The following LRRK2 variants were observed in gnomAD, a reference collection of about 807,000 sequenced individuals.
The protein encoded by LRRK2 is leucine-rich repeat serine/threonine-protein kinase 2.
In LRRK2, 203 loss-of-function variants were observed where a neutral mutation model predicts 302.6. The ratio of observed to expected loss-of-function variants is 0.67; its 90% confidence interval spans 0.60 to 0.75. LRRK2 has a LOEUF of 0.75. LRRK2 is among the 30% of genes least tolerant of loss of function. The probability of loss-of-function intolerance (pLI) is 0.00; values close to 1 mark genes in which losing one functional copy is unlikely to be tolerated. For synonymous variants in LRRK2, 1,066 were observed against 1,031.9 expected, an observed-to-expected ratio of 1.03 and a Z score of -0.63; for missense variants, 2,830 against 2,951.0, an observed-to-expected ratio of 0.96 and a Z score of 0.95.
chr12:40,294,132 C>CATCTATCTATCT (rs72446556), intron 21 of LRRK2, among the ~76,000 whole-genome samples: 48 of 149,212 alleles, frequency 3.2e-4, no homozygotes, highest in East Asian at 7.9e-4. Context: ...ATCTATCTAT[C>CATCTATCTATCT]ATCTATCTAT....
chr12:40,341,607 G>C (rs533595867), intron 41 of LRRK2, among the ~76,000 whole-genome samples: 2 of 152,184 alleles, frequency 1.3e-5, no homozygotes, highest in East Asian at 1.9e-4. Flanking sequence ...CCAGTGCCAC[G>C]TATATTAGAG....
At chr12:40,268,599 A>T (rs1006055486) in intron 14 of LRRK2, among the ~76,000 whole-genome samples, 1 of 152,180 alleles carries the variant, frequency 6.6e-6, no homozygotes, top group Non-Finnish European at 1.5e-5. Context: ...TTTATGAACC[A>T]TTAGTAAAAA....
Position 40,232,154 on chromosome 12 carries a change from C to A in LRRK2, c.238-120C>A, listed in dbSNP as rs1592135439. On this transcript the variant is annotated intron_variant, in intron 2 of 50. Transcript: ENST00000298910. Reference sequence around the variant, plus strand: ...TTTAGGGTATCATTTTGTTGTATAACCATTGTTTACAAGTGAGATAAGCAT... The same window carrying A: ...TTTAGGGTATCATTTTGTTGTATAAACATTGTTTACAAGTGAGATAAGCAT... The A allele has an allele frequency of 9.1e-6, 7 of 770,432 alleles. No homozygotes were observed. The Admixed American group carries it at 1.2e-4, about 13-fold the overall frequency. The allele number at this position is 770,432 out of a possible 1,614,324, so 47.7% of individuals were successfully genotyped here. A position where few individuals can be genotyped will look rare whatever the true frequency, so the allele number is the denominator to read the frequency against.
intron 28 of LRRK2, among the ~76,000 whole-genome samples, 184 bp downstream of exon 28, chr12:40,306,150 T>C (rs1187100428): frequency 6.6e-6 from 1 of 152,188 alleles, no homozygotes; most frequent in African/African-American, 2.4e-5. Flanking sequence ...ACTGTAGAGA[T>C]TTCTCATTCT....
chr12:40,328,007 A>G (rs1945601815), intron 38 of LRRK2, among the ~76,000 whole-genome samples: 1 of 152,220 alleles, frequency 6.6e-6, no homozygotes, highest in Admixed American at 6.5e-5. Context: ...AGGGCATACC[A>G]GTGAAATCAC....
At chr12:40,274,442 A>G in intron 14 of LRRK2, 141 bp from the exon 15 acceptor site, 1 of 804,170 alleles carries the variant, frequency 1.2e-6, no homozygotes, top group East Asian at 2.7e-5. Context: ...AATAAAAGTA[A>G]TTAATGTTAT....
chr12:40,355,380 A>G (rs993157812), intron 45 of LRRK2, among the ~76,000 whole-genome samples: 1 of 152,030 alleles, frequency 6.6e-6, no homozygotes, highest in Non-Finnish European at 1.5e-5. Context: ...GTACTGGAGC[A>G]CCTTGTTGGA....
chr12:40,287,268 A>G (rs1289292996), intron 19 of LRRK2, 83 bp from the exon 20 acceptor site: 2 of 1,186,160 alleles, frequency 1.7e-6, no homozygotes, highest in African/African-American at 1.5e-5. Flanking sequence ...AAGCATAGCA[A>G]TACGTAAGAA....
At chr12:40,251,209 T>G in intron 8 of LRRK2, 23 bp from the exon 9 acceptor site, 1 of 1,425,982 alleles carries the variant, frequency 7.0e-7, no homozygotes, top group Non-Finnish European at 9.6e-7. Context: ...AATGTTTTTA[T>G]ATATTTTTCA....
Position 40,295,592 on chromosome 12 carries a change from A to G in LRRK2, c.3044A>G (p.Lys1015Arg), listed in dbSNP as rs549351523. The stretch of plus-strand genomic sequence containing the variant: ...AGTGTTCATTTGGAGCATCTTGAAA[A>G]GCTGGAGCTTCACCAGAATGCACTC... ...CISVHLEHLE[K>R]LELHQNALTS... The change falls in exon 23 of 51, where the codon AAG becomes AGG. Residue 1015 changes from lysine to arginine, a missense_variant. This residue lies in a region of LRRK2 where 2,121 missense variants were observed against 2,148.0 expected (regional missense o/e 0.99). Transcript: ENST00000298910. 44 of 1,614,076 alleles carry G rather than the reference A, an allele frequency of 2.7e-5. No homozygotes were observed. The highest frequency in any genetic ancestry group is 4.4e-5 in the South Asian group (4 of 91,076).
intron 13 of LRRK2, 30 bp from the exon 14 acceptor site, chr12:40,263,759 C>T: frequency 1.4e-6 from 2 of 1,480,172 alleles, no homozygotes; most frequent in African/African-American, 1.4e-5. Flanking sequence ...TAAGAAAATT[C>T]TTTCTTTATT....
At chr12:40,303,008 TGTATGAATGA>T in intron 26 of LRRK2, 126 bp downstream of exon 26, 1 of 684,490 alleles carries the variant, frequency 1.5e-6, no homozygotes. Flanking sequence ...TGTTTTTGTA[TGTATGAATGA>T]TTTTCACTAG....
Position 40,308,679 on chromosome 12 carries a change from A to G in LRRK2, c.4172A>G (p.Asn1391Ser), listed in dbSNP as rs1944921094. ...AAAAGAAAGAGAGATCTCGTCCTAA[A>G]TGTGTGGGATTTTGCAGGTATTTCT... ...RDKRKRDLVL[N>S]VWDFAGREEF... The change falls in exon 29 of 51, where the codon AAT becomes AGT. Residue 1391 changes from asparagine to serine, a missense_variant. Transcript: ENST00000298910. 6.2e-7 allele frequency: 1 copy of G among 1,613,692 alleles called. No homozygotes were observed. The highest frequency in any genetic ancestry group is 8.5e-7 in the Non-Finnish European group (1 of 1,179,774).
chr12:40,271,490 T>C (rs1039307722), intron 14 of LRRK2, among the ~76,000 whole-genome samples: 15 of 152,122 alleles, frequency 9.9e-5, no homozygotes, highest in Admixed American at 2.6e-4. Context: ...TAAAAAAGCA[T>C]AGGTGGTAGG....
chr12:40,305,997 T>TA (rs1323580466), intron 28 of LRRK2, 31 bp downstream of exon 28: 1 of 1,521,274 alleles, frequency 6.6e-7, no homozygotes, highest in South Asian at 1.2e-5. Flanking sequence ...TTGGTTTTAC[T>TA]AAATTTATTT....
chr12:40,295,065 C>T, intron 22 of LRRK2, 151 bp downstream of exon 22: 1 of 594,634 alleles, frequency 1.7e-6, no homozygotes, highest in Non-Finnish European at 3.0e-6. Context: ...CTTCCATAAG[C>T]TATAGAAAAA....
chr12:40,309,325 A>T, intron 30 of LRRK2, 92 bp downstream of exon 30: 1 of 1,474,374 alleles, frequency 6.8e-7, no homozygotes, highest in Non-Finnish European at 9.2e-7. Context: ...TTTTGGGCAA[A>T]CAATTGCTTC....
chr12:40,350,138 C>T (rs932292296), intron 43 of LRRK2, among the ~76,000 whole-genome samples: 1 of 152,208 alleles, frequency 6.6e-6, no homozygotes, highest in Non-Finnish European at 1.5e-5. Flanking sequence ...TTGATTTCTC[C>T]TTCTTGTTTA....
intron 42 of LRRK2, 50 bp downstream of exon 42, chr12:40,346,973 G>A: frequency 2.0e-6 from 3 of 1,471,958 alleles, no homozygotes; most frequent in Non-Finnish European, 2.8e-6. Flanking sequence ...AATATCAGCA[G>A]CTTCATTTTT....
Sources: allele counts gnomAD v4.1 joint callset (sites outside exome capture counted in the v4.1 genomes callset), GRCh38; gene constraint gnomAD v4.1.1; regional missense constraint gnomAD v4.1.1; transcripts MANE v1.5; gene names NCBI Gene and HGNC (gene_info 2026-07-23, HGNC 2026-07-21).